Variants in EMILIN2 observed in about 807,000 individuals in gnomAD.
EMILIN2 encodes the protein EMILIN-2.
Under a neutral mutation model 87.1 loss-of-function variants are expected in EMILIN2, and 71 were observed. That is an observed-to-expected ratio of 0.82 (90% CI 0.67 to 0.99). EMILIN2 has a LOEUF of 0.99. Among genes scored for constraint, EMILIN2 ranks in the 50% least tolerant of loss-of-function variants. The probability of loss-of-function intolerance (pLI) is 0.00; values close to 1 mark genes in which losing one functional copy is unlikely to be tolerated. For missense variants in EMILIN2, 1,407 were observed against 1,371.8 expected, an observed-to-expected ratio of 1.03 and a Z score of -0.40; for synonymous variants, 581 against 563.4, an observed-to-expected ratio of 1.03 and a Z score of -0.44.
At chr18:2,875,216 A>G (rs1350767360) in intron 2 of EMILIN2, among the ~76,000 whole-genome samples, 1 of 152,218 alleles carries the variant, frequency 6.6e-6, no homozygotes, top group Non-Finnish European at 1.5e-5. Context: ...AAAGAAAGGA[A>G]GTAATCAAAA....
At chr18:2,858,581 G>A (rs373421720) in intron 2 of EMILIN2, among the ~76,000 whole-genome samples, 7,841 of 64,366 alleles carry the variant, frequency 0.12, 1,098 homozygotes, top group Admixed American at 0.15. Flanking sequence ...GTGTGTGTGT[G>A]TGTATATATA....
In EMILIN2 at chr18:2,906,981, C is replaced by A; in HGVS notation, c.2558C>A (p.Pro853His). The stretch of plus-strand genomic sequence containing the variant: ...ATCGCGGAGACGGGCCAGGCCGGGC[C>A]CCCCGCAGGCGCAGGCGTGTCTGGG... ...GVIAETGQAG[P>H]PAGAGVSGRG... Residue 853 changes from proline (P) to histidine (H), a missense_variant, in exon 5 of 8, where the codon CCC becomes CAC. Transcript: ENST00000254528. 7.2e-7 allele frequency: 1 copy of A among 1,388,034 alleles called. No homozygotes were observed. The highest frequency in any genetic ancestry group is 9.4e-7 in the Non-Finnish European group (1 of 1,069,326). 86.0% of individuals were successfully genotyped at this position (1,388,034 alleles called of 1,614,324 possible).
intron 2 of EMILIN2, among the ~76,000 whole-genome samples, chr18:2,868,344 A>G (rs1357146091): frequency 2.0e-5 from 3 of 152,046 alleles, no homozygotes. Flanking sequence ...GGCTCCTCAC[A>G]TCCCAGACGA....
At chr18:2,859,498 A>G (rs1350633668) in intron 2 of EMILIN2, among the ~76,000 whole-genome samples, 1 of 151,914 alleles carries the variant, frequency 6.6e-6, no homozygotes, top group African/African-American at 2.4e-5. Context: ...GACTGTGAAG[A>G]TTTTCTCCTA....
intron 5 of EMILIN2, 122 bp from the exon 6 acceptor site, chr18:2,908,821 C>T (rs2076927127): frequency 1.7e-6 from 2 of 1,171,250 alleles, no homozygotes; most frequent in East Asian, 4.7e-5. Flanking sequence ...TGTTCTATGT[C>T]TGTTTCTATA....
intron 2 of EMILIN2, among the ~76,000 whole-genome samples, chr18:2,868,246 C>CGGGG (rs2076699211): frequency 6.6e-6 from 1 of 151,712 alleles, no homozygotes; most frequent in African/African-American, 2.4e-5. Flanking sequence ...CGATGGGCGG[C>CGGGG]CAGGCAGAGA....
intron 5 of EMILIN2, among the ~76,000 whole-genome samples, chr18:2,907,519 C>A (rs550544818): frequency 6.6e-6 from 1 of 152,348 alleles, no homozygotes; most frequent in African/African-American, 2.4e-5. Flanking sequence ...GCAGTTCCTT[C>A]AACCACAAAA....
chr18:2,901,182 C>G (rs746980860), intron 4 of EMILIN2, among the ~76,000 whole-genome samples: 3 of 152,198 alleles, frequency 2.0e-5, no homozygotes, highest in Non-Finnish European at 2.9e-5. Context: ...CAGGCTCTAA[C>G]AGCTAAGGCC....
intron 4 of EMILIN2, among the ~76,000 whole-genome samples, chr18:2,895,109 A>T (rs1598501394): frequency 6.6e-6 from 1 of 151,682 alleles, no homozygotes; most frequent in East Asian, 1.9e-4. Flanking sequence ...TGTGTGGGGG[A>T]GTATGTGGAT....
At chr18:2,884,756 T>C (rs1000508368) in intron 2 of EMILIN2, among the ~76,000 whole-genome samples, 2 of 152,144 alleles carry the variant, frequency 1.3e-5, no homozygotes, top group African/African-American at 2.4e-5. Flanking sequence ...AGGTGGAGGA[T>C]TGGGGAGCCC....
chr18:2,856,272 AAGCCG>A lies in EMILIN2; in HGVS notation c.257+8346_257+8350del, dbSNP rs2076626977. Among the ~76,000 whole-genome samples, 3 of 152,308 alleles carry A rather than the reference AAGCCG, an allele frequency of 2.0e-5. No homozygotes were observed. In the East Asian group the frequency reaches 5.8e-4, roughly 29 times the overall value. The stretch of plus-strand genomic sequence containing the variant: ...GTGAAATTCTTAGAAATTGCACTGG[AAGCCG>A]AGCCAGCAGTGCAGTCTCTTTGGGG... On this transcript the variant is annotated intron_variant, in intron 2 of 7. Transcript: ENST00000254528.
At chr18:2,896,124 CATAT>C (rs145208259) in intron 4 of EMILIN2, among the ~76,000 whole-genome samples, 2 of 150,492 alleles carry the variant, frequency 1.3e-5, no homozygotes, top group African/African-American at 2.4e-5. Context: ...CTGTTAAGGG[CATAT>C]ATATATATAG....
intron 2 of EMILIN2, among the ~76,000 whole-genome samples, chr18:2,855,556 T>C (rs2143955770): frequency 6.6e-6 from 1 of 152,328 alleles, no homozygotes; most frequent in East Asian, 1.9e-4. Flanking sequence ...TGGCACGTGG[T>C]ATTTGAGTTA....
Position 2,848,970 on chromosome 18 carries a change from G to C in EMILIN2, c.257+1039G>C, listed in dbSNP as rs1357681001. Among the ~76,000 whole-genome samples the C allele has an allele frequency of 6.6e-6, 1 of 152,160 alleles. No homozygotes were observed. The highest frequency in any genetic ancestry group is 2.4e-5 in the African/African-American group (1 of 41,428). ...TGGGTCCACCCCACGTGGGCTTCTG[G>C]AGGAGCTGCCAACAGGGTTCAGCTA... is the stretch of plus-strand genomic sequence containing the variant. On this transcript the variant is annotated intron_variant, in intron 2 of 7. Transcript: ENST00000254528. The surrounding 1 kb of genome is among the most constrained non-coding windows in gnomAD (Gnocchi z 4.1).
chr18:2,907,484 G>A (rs954566136), intron 5 of EMILIN2, among the ~76,000 whole-genome samples: 1 of 152,176 alleles, frequency 6.6e-6, no homozygotes, highest in Non-Finnish European at 1.5e-5. Flanking sequence ...CGGGACTTGG[G>A]GCAGCTTCCT....
chr18:2,853,940 CGTT>C (rs1209698603), intron 2 of EMILIN2, among the ~76,000 whole-genome samples: 1 of 152,172 alleles, frequency 6.6e-6, no homozygotes, highest in Non-Finnish European at 1.5e-5. Flanking sequence ...ATTGGACTGG[CGTT>C]GTTTTCTTTC....
Position 2,890,708 on chromosome 18 carries a change from T to C in EMILIN2, c.581T>C (p.Leu194Pro). 6.2e-7 allele frequency: 1 copy of C among 1,614,168 alleles called. No individual in the cohort carries two copies. The highest frequency in any genetic ancestry group is 8.5e-7 in the Non-Finnish European group (1 of 1,180,028). ...IQVLEEKVLR[L>P]TRTVLDLQSS... The stretch of plus-strand genomic sequence containing the variant: ...GTGCTAGAGGAGAAGGTTCTTCGAC[T>C]CACAAGGACGGTTCTTGACCTCCAG... Residue 194 changes from leucine (L) to proline (P), a missense_variant, in exon 4 of 8, where the codon CTC (leucine) becomes CCC (proline). Physicochemically the swap from Leu to Pro is moderately conservative, Grantham distance 98 (BLOSUM62 -3). Coordinates refer to ENST00000254528, the MANE Select transcript of EMILIN2 (RefSeq NM_032048.3). This position sits in a 1 kb window ranked among gnomAD's most constrained non-coding sequence, Gnocchi z 4.7.
intron 2 of EMILIN2, among the ~76,000 whole-genome samples, chr18:2,875,577 G>C (rs1345394910): frequency 6.6e-6 from 1 of 152,342 alleles, no homozygotes; most frequent in African/African-American, 2.4e-5. Context: ...GCTAAGGCTC[G>C]TGGGATGCCC....
At chr18:2,877,777 CAAA>C (rs756901867) in intron 2 of EMILIN2, among the ~76,000 whole-genome samples, 8 of 105,152 alleles carry the variant, frequency 7.6e-5, no homozygotes, top group Non-Finnish European at 7.9e-5. Context: ...CATTCCATCT[CAAA>C]AAAAAAAAAA....
Sources: gnomAD v4.1 joint callset for allele counts (sites outside exome capture counted in the v4.1 genomes callset) on GRCh38, gnomAD v4.1.1 for gene constraint, Gnocchi (gnomAD v3.1) non-coding constraint, MANE v1.5 for transcripts, NCBI Gene and HGNC (gene_info 2026-07-23, HGNC 2026-07-21) for gene names.